TECPR1: variants seen among roughly 807,000 people sequenced by gnomAD.
The protein encoded by TECPR1 is tectonin beta-propeller repeat containing 1, also known as tectonin beta-propeller repeat-containing protein 1.
In TECPR1, 122 loss-of-function variants were observed where a neutral mutation model predicts 162.4. The ratio of observed to expected loss-of-function variants is 0.75; its 90% CI spans 0.65 to 0.87. The LOEUF (loss-of-function observed/expected upper bound fraction) is 0.87, where lower values mean the gene tolerates loss of function less well. Ranked by LOEUF, TECPR1 falls within the 40% of genes least tolerant of loss-of-function variation. The probability of loss-of-function intolerance (pLI) is 0.00; values close to 1 mark genes in which losing one functional copy is unlikely to be tolerated. For missense variants in TECPR1, 1,432 were observed against 1,618.2 expected, an observed-to-expected ratio of 0.88 and a Z score of 1.97; for synonymous variants, 642 against 670.6, an observed-to-expected ratio of 0.96 and a Z score of 0.66.
rs1798526283 is a variant in TECPR1, at chr7:98,233,926, G to A, written c.1182-15C>T. 2.7e-6 allele frequency: 4 copies of A among 1,506,570 alleles called. No individual in the cohort carries two copies. In the African/African-American group the frequency reaches 4.2e-5, roughly 16 times the overall value. 93.3% of individuals were successfully genotyped at this position (1,506,570 alleles called of 1,614,324 possible). ...AGCAGCCGGCACTGGGGACAAATCA[G>A]GGCAGACCCATCACTCCCTTGCAGG... On this transcript the variant is annotated splice_polypyrimidine_tract_variant and intron_variant, in intron 10 of 25. Transcript: ENST00000447648.
chr7:98,236,662 G>T, intron 10 of TECPR1, 114 bp downstream of exon 10: 1 of 1,381,790 alleles, frequency 7.2e-7, no homozygotes. Context: ...TCTCCTGCCT[G>T]GGACAAGTCC....
Position 98,216,560 on chromosome 7 carries a change from T to A in TECPR1, c.*830A>T, listed in dbSNP as rs1798012314. 1 of 29,518 alleles carries A rather than the reference T, an allele frequency of 3.4e-5. No individual in the cohort carries two copies. The highest frequency in any genetic ancestry group is 2.7e-4 in the Admixed American group (1 of 3,664). The allele number at this position is 29,518 out of a possible 1,614,324, so 1.8% of individuals were successfully genotyped here. A position where few individuals can be genotyped will look rare whatever the true frequency, so the allele number is the denominator to read the frequency against. On this transcript the variant is annotated 3_prime_UTR_variant, in exon 26 of 26. Coordinates refer to ENST00000447648, the MANE Select transcript of TECPR1 (RefSeq NM_015395.3). ...CAATCTGCTGTCTCCTTCCTTCACT[T>A]TTTTTTTTTTTTTTTTTTGAGATGG...
At position 98,217,173 on chromosome 7, in the gene TECPR1, T is replaced by A; in HGVS notation, c.*217A>T. ...CCCATGCCCCACACCCCGGGACTCC[T>A]CGCAGACGGGGACACGTGTGGGAGT... On this transcript the variant is annotated 3_prime_UTR_variant, in exon 26 of 26. Transcript: ENST00000447648. The A allele has an allele frequency of 1.9e-6, 1 of 525,364 alleles. No individual in the cohort carries two copies. 32.5% of individuals were successfully genotyped at this position (525,364 alleles called of 1,614,324 possible).
At chr7:98,248,533 CAAAAAAAAAAA>C (rs60387349) in intron 2 of TECPR1, among the ~76,000 whole-genome samples, 2 of 9,620 alleles carry the variant, frequency 2.1e-4, no homozygotes, top group East Asian at 2.5e-3. Context: ...CTGCCACCGG[CAAAAAAAAAAA>C]AAAAAAAAAA....
intron 25 of TECPR1, 22 bp downstream of exon 25, chr7:98,217,670 C>T: frequency 6.5e-7 from 1 of 1,528,814 alleles, no homozygotes; most frequent in Non-Finnish European, 8.8e-7. Flanking sequence ...TAACACAGCC[C>T]AAGGCCGCGG....
Position 98,245,057 on chromosome 7 carries a change from G to A in TECPR1, c.236C>T (p.Pro79Leu), listed in dbSNP as rs1798869707. ...EEAYENQRWN[P>L]MGGFCEKLLL... ...GAGCTTCTCACAGAAGCCGCCCATG[G>A]GATTCCAGCGCTGAGGGCCGGGGAC... The change falls in exon 4 of 26, where the codon CCC becomes CTC. Residue 79 changes from proline (P) to leucine (L), a missense_variant. Transcript: ENST00000447648. 6.3e-7 allele frequency: 1 copy of A among 1,585,390 alleles called. No homozygotes were observed. The highest frequency in any genetic ancestry group is 8.6e-7 in the Non-Finnish European group (1 of 1,166,896).
chr7:98,240,978 T>G lies in TECPR1; in HGVS notation c.833-27A>C, dbSNP rs756809694. ...TACCGGGCCCCCAAGAAACCCCCAG[T>G]GGCCCCCATCAGCCTGGACAGCTGG... On this transcript the variant is annotated intron_variant, in intron 7 of 25. Coordinates refer to ENST00000447648, the MANE Select transcript of TECPR1 (RefSeq NM_015395.3). 2.5e-6 allele frequency: 4 copies of G among 1,592,456 alleles called. No homozygotes were observed. The Admixed American group carries it at 5.3e-5, about 21-fold the overall frequency.
intron 16 of TECPR1, 168 bp downstream of exon 16, chr7:98,228,871 G>A (rs1342943475): frequency 2.0e-6 from 2 of 1,000,122 alleles, no homozygotes. Context: ...GGTACTGGCA[G>A]GGACCATCCT....
chr7:98,225,220 T>C (rs1402037341), intron 17 of TECPR1, 118 bp from the exon 18 acceptor site: 11 of 920,512 alleles, frequency 1.2e-5, no homozygotes, highest in South Asian at 4.4e-5. Context: ...GCCAGCCACC[T>C]CCAGGCACTC....
rs772875967 is a variant in TECPR1, at chr7:98,232,963, G to A, written c.1682C>T (p.Ser561Phe). 1 of 1,611,230 alleles carries A rather than the reference G, an allele frequency of 6.2e-7. No homozygotes were observed. ...GGACAGGGACAGCATGTGTACCGAG[G>A]AGGACAGGCCTGTGGGGCAGAGAGA... is the stretch of plus-strand genomic sequence containing the variant. ...RWFTVQAGLS[S>F]SVHMLSLSIT... is the part of the protein sequence containing the mutation. Residue 561 changes from serine (S) to phenylalanine (F), a missense_variant, in exon 12 of 26, where the codon TCC becomes TTC. Coordinates refer to ENST00000447648, the MANE Select transcript of TECPR1 (RefSeq NM_015395.3). The surrounding 1 kb of genome is among the most constrained non-coding windows in gnomAD (Gnocchi z 4.6).
intron 19 of TECPR1, among the ~76,000 whole-genome samples, chr7:98,224,564 G>A (rs538700970): frequency 3.3e-5 from 5 of 152,308 alleles, no homozygotes; most frequent in East Asian, 1.9e-4. Flanking sequence ...GCTCCTACCC[G>A]TGCCACACAT....
At chr7:98,230,329 C>T (rs909777295) in intron 15 of TECPR1, among the ~76,000 whole-genome samples, 1 of 152,008 alleles carries the variant, frequency 6.6e-6, no homozygotes, top group Non-Finnish European at 1.5e-5. Context: ...CTCAATGTCC[C>T]CAACAGAACA....
intron 17 of TECPR1, chr7:98,226,807 C>T (rs1348101606): frequency 4.6e-6 from 2 of 433,740 alleles, no homozygotes; most frequent in East Asian, 1.7e-4. Context: ...GTGGTGCATG[C>T]CTGTAATCCC....
Position 98,236,861 on chromosome 7 carries a change from CG to C in TECPR1, c.1095del (p.Ser365ArgfsTer39). The C allele has an allele frequency of 6.3e-7, 1 of 1,582,380 alleles. No individual in the cohort carries two copies. The highest frequency in any genetic ancestry group is 1.2e-5 in the South Asian group (1 of 86,306). On this transcript the variant is annotated frameshift_variant, in exon 10 of 26. Coordinates refer to ENST00000447648, the MANE Select transcript of TECPR1 (RefSeq NM_015395.3). LOFTEE classifies it high-confidence loss of function. ...AVYFRQGVTP[S>X]ELSGKTWKAI... ...GCTTTCCAGGTCTTCCCACTGAGCT[CG>C]CTGGGGGTGACACCCTGCCGGAAGT...
In TECPR1 at chr7:98,246,029, C is replaced by T. The variant is rs371720680; in HGVS notation, c.118G>A (p.Ala40Thr). 7 of 1,591,914 alleles carry T rather than the reference C, an allele frequency of 4.4e-6. No homozygotes were observed. The East Asian group carries it at 6.9e-5, about 16-fold the overall frequency. Residue 40 changes from alanine to threonine, a missense_variant, in exon 3 of 26, where the codon GCC becomes ACC. Coordinates refer to ENST00000447648, the MANE Select transcript of TECPR1 (RefSeq NM_015395.3). ...DSQLEFKRVSATTQCCWGIAC... is the reference protein window; with the variant it reads ...DSQLEFKRVSTTTQCCWGIAC... ...ATGCCCCAGCAGCACTGCGTGGTGGCGCTGACGCGCTTGAACTCCAGCTGG... is the reference window on the plus strand; with the variant it reads ...ATGCCCCAGCAGCACTGCGTGGTGGTGCTGACGCGCTTGAACTCCAGCTGG...
rs1358932722 is a variant in TECPR1, at chr7:98,241,340, C to T, written c.658-96G>A. On this transcript the variant is annotated intron_variant, in intron 6 of 25. Transcript: ENST00000447648. This position sits in a 1 kb window ranked among gnomAD's most constrained non-coding sequence, Gnocchi z 5.0. ...GTGGTAGGGGGTAGGACCCATGTCCCCTGACCGTCCAGATCTCACTCCCTG... is the reference window on the plus strand; with the variant it reads ...GTGGTAGGGGGTAGGACCCATGTCCTCTGACCGTCCAGATCTCACTCCCTG... 1.4e-6 allele frequency: 2 copies of T among 1,472,400 alleles called. No homozygotes were observed. The highest frequency in any genetic ancestry group is 2.3e-5 in the East Asian group (1 of 43,646). The allele number at this position is 1,472,400 out of a possible 1,614,324, so 91.2% of individuals were successfully genotyped here.
At chr7:98,224,690 G>A in intron 19 of TECPR1, 111 bp downstream of exon 19, 1 of 1,102,780 alleles carries the variant, frequency 9.1e-7, no homozygotes, top group Non-Finnish European at 1.3e-6. Flanking sequence ...TCCTTGGCCA[G>A]GCCTAGGGGG....
Position 98,232,805 on chromosome 7 carries a change from G to C in TECPR1, c.1818+22C>G. The C allele has an allele frequency of 6.5e-7, 1 of 1,529,186 alleles. No homozygotes were observed. 94.7% of individuals were successfully genotyped at this position (1,529,186 alleles called of 1,614,324 possible). A position where few individuals can be genotyped will look rare whatever the true frequency, so the allele number is the denominator to read the frequency against. ...TGCTGGAAAAAAAAAAAAAATGCAT[G>C]CGCAGCCACCGGGGCACCCACCTGC... On this transcript the variant is annotated intron_variant, in intron 12 of 25. Coordinates refer to ENST00000447648, the MANE Select transcript of TECPR1 (RefSeq NM_015395.3). The surrounding 1 kb of genome is among the most constrained non-coding windows in gnomAD (Gnocchi z 4.6).
intron 23 of TECPR1, among the ~76,000 whole-genome samples, chr7:98,218,346 T>C (rs1353379798): frequency 6.6e-6 from 1 of 151,996 alleles, no homozygotes; most frequent in Admixed American, 6.5e-5. Flanking sequence ...AGGCAGAAAC[T>C]ATGGACAAGG....
Sources: allele counts gnomAD v4.1 joint callset (sites outside exome capture counted in the v4.1 genomes callset), GRCh38; gene constraint gnomAD v4.1.1; non-coding constraint Gnocchi (gnomAD v3.1); transcripts MANE v1.5; gene names NCBI Gene and HGNC (gene_info 2026-07-23, HGNC 2026-07-21).